The following ITFG1 variants were observed in gnomAD, a reference collection of about 807,000 sequenced individuals.
ITFG1 encodes the protein T-cell immunomodulatory protein.
ITFG1 carries 34 observed loss-of-function variants against 81.8 expected under a neutral mutation model. That is an observed-to-expected ratio of 0.42 (90% CI 0.32 to 0.55). The LOEUF (loss-of-function observed/expected upper bound fraction) is 0.55, where lower values mean the gene tolerates loss of function less well. Among genes scored for constraint, ITFG1 ranks in the 20% least tolerant of loss-of-function variants. The pLI, the probability that ITFG1 is intolerant of heterozygous loss-of-function variation, is 0.17. For synonymous variants in ITFG1, 285 were observed against 270.6 expected, an observed-to-expected ratio of 1.05 and a Z score of -0.52; for missense variants, 672 against 755.4, an observed-to-expected ratio of 0.89 and a Z score of 1.29.
At chr16:47,381,510 T>G (rs1968395825) in intron 6 of ITFG1, among the ~76,000 whole-genome samples, 1 of 152,214 alleles carries the variant, frequency 6.6e-6, no homozygotes, top group African/African-American at 2.4e-5. Flanking sequence ...TAGTATTTTC[T>G]GTAAGCTGAA....
chr16:47,459,984 T>C (rs764113520), intron 1 of ITFG1, among the ~76,000 whole-genome samples: 3 of 152,238 alleles, frequency 2.0e-5, no homozygotes, highest in Non-Finnish European at 4.4e-5. Flanking sequence ...CATTGATCTT[T>C]AAGCAGCACC....
chr16:47,314,335 T>C (rs1161635633), intron 8 of ITFG1, among the ~76,000 whole-genome samples: 29 of 152,174 alleles, frequency 1.9e-4, no homozygotes, highest in Admixed American at 1.9e-3. Flanking sequence ...ATATCAACAG[T>C]AGTCCATTAT....
chr16:47,253,974 A>G (rs1966110880), intron 12 of ITFG1, among the ~76,000 whole-genome samples: 1 of 152,152 alleles, frequency 6.6e-6, no homozygotes, highest in African/African-American at 2.4e-5. Flanking sequence ...AAAAAATTCA[A>G]CAGATACCTA....
chr16:47,160,030 GAGTA>G (rs913878840), intron 16 of ITFG1, among the ~76,000 whole-genome samples: 1 of 152,024 alleles, frequency 6.6e-6, no homozygotes, highest in Non-Finnish European at 1.5e-5. Context: ...AAATTCAGAA[GAGTA>G]AGTAAACCTT....
chr16:47,452,767 TG>T lies in ITFG1; in HGVS notation c.450del (p.Asn151IlefsTer9). ...AGTGGCTCATCTTGAAAAGTCCTAT[TG>T]AGTATGGTCATATTGTTAGGATCTG... ...QTLDPNNMTILNRTFQDEPLI... is the reference protein window; with the variant it reads ...QTLDPNNMTIXNRTFQDEPLI... On this transcript the variant is annotated frameshift_variant, in exon 4 of 18. Transcript: ENST00000320640. LOFTEE classifies it high-confidence loss of function. The T allele has an allele frequency of 6.3e-7, 1 of 1,582,450 alleles. No individual in the cohort carries two copies. The highest frequency in any genetic ancestry group is 8.6e-7 in the Non-Finnish European group (1 of 1,160,074).
intron 14 of ITFG1, among the ~76,000 whole-genome samples, chr16:47,172,331 C>G (rs1313096778): frequency 6.6e-6 from 1 of 151,978 alleles, no homozygotes; most frequent in Non-Finnish European, 1.5e-5. Flanking sequence ...CTAAAAGGTA[C>G]AAAAAAATTA....
chr16:47,429,557 G>A (rs959558063), intron 5 of ITFG1, among the ~76,000 whole-genome samples: 6 of 152,164 alleles, frequency 3.9e-5, no homozygotes, highest in Non-Finnish European at 8.8e-5. Flanking sequence ...AGCAATGTAG[G>A]AGAATTCCAG....
chr16:47,389,002 T>TG, intron 6 of ITFG1, among the ~76,000 whole-genome samples: 1 of 152,208 alleles, frequency 6.6e-6, no homozygotes, highest in East Asian at 1.9e-4. Flanking sequence ...TCCTTGCTTC[T>TG]GTAACTCGCT....
At chr16:47,395,872 G>A (rs537947594) in intron 6 of ITFG1, among the ~76,000 whole-genome samples, 23 of 152,202 alleles carry the variant, frequency 1.5e-4, no homozygotes, top group East Asian at 9.6e-4. Flanking sequence ...CATGTCTATC[G>A]TCAGCAGTAT....
chr16:47,183,561 C>T (rs1965164252), intron 14 of ITFG1, among the ~76,000 whole-genome samples: 1 of 152,166 alleles, frequency 6.6e-6, no homozygotes, highest in Non-Finnish European at 1.5e-5. Context: ...CTCCAACAGA[C>T]CTGCAGCTGA....
chr16:47,458,258 C>T (rs924378090), intron 2 of ITFG1, among the ~76,000 whole-genome samples: 5 of 152,306 alleles, frequency 3.3e-5, no homozygotes, highest in Non-Finnish European at 7.3e-5. Context: ...CTTAACTCCC[C>T]GAAGTGTACC....
intron 6 of ITFG1, among the ~76,000 whole-genome samples, chr16:47,385,092 A>T (rs1339152717): frequency 1.3e-5 from 2 of 152,246 alleles, no homozygotes; most frequent in African/African-American, 4.8e-5. Flanking sequence ...CACTGGTCAG[A>T]AACTGTGCAA....
chr16:47,461,118 C>A, upstream of ITFG1: 4 of 1,378,660 alleles, frequency 2.9e-6, no homozygotes, highest in Non-Finnish European at 3.8e-6. Context: ...GCGTTACCGG[C>A]CGAGAGAGTG....
chr16:47,202,609 G>A (rs761843604), intron 14 of ITFG1, among the ~76,000 whole-genome samples: 4 of 151,300 alleles, frequency 2.6e-5, no homozygotes, highest in Non-Finnish European at 5.9e-5. Context: ...GAAACATAAT[G>A]AGAAAACACT....
intron 13 of ITFG1, among the ~76,000 whole-genome samples, chr16:47,223,152 T>G (rs1965714153): frequency 6.6e-6 from 1 of 151,538 alleles, no homozygotes; most frequent in Non-Finnish European, 1.5e-5. Flanking sequence ...ACCTAGGCAT[T>G]ACCATTCAGG....
rs558651858 is a variant in ITFG1, at chr16:47,384,885, C to T, written c.656-8945G>A. On this transcript the variant is annotated intron_variant, in intron 6 of 17. Coordinates refer to ENST00000320640, the MANE Select transcript of ITFG1 (RefSeq NM_030790.5). ...CTGAGGTCAGGAGTTCGAGACCAGCCTGGCCAATGTGGTGAGGTTACTGTC... is the reference window on the plus strand; with the variant it reads ...CTGAGGTCAGGAGTTCGAGACCAGCTTGGCCAATGTGGTGAGGTTACTGTC... Among the ~76,000 whole-genome samples, 3 of 152,306 alleles carry T rather than the reference C, an allele frequency of 2.0e-5. No homozygotes were observed. The South Asian group carries it at 6.2e-4, about 32-fold the overall frequency.
chr16:47,349,335 CAT>C (rs199794046), intron 8 of ITFG1, among the ~76,000 whole-genome samples: 2,637 of 152,210 alleles, frequency 0.017, 77 homozygotes, highest in African/African-American at 0.059. Context: ...CAGAGACACA[CAT>C]AGGCTCAAAA....
chr16:47,244,250 A>G (rs1453201608), intron 12 of ITFG1, among the ~76,000 whole-genome samples: 1 of 152,192 alleles, frequency 6.6e-6, no homozygotes. Context: ...GAGCTGCTCT[A>G]GCAAATCAAA....
intron 8 of ITFG1, among the ~76,000 whole-genome samples, chr16:47,348,807 A>G (rs945785167): frequency 6.6e-6 from 1 of 152,242 alleles, no homozygotes; most frequent in African/African-American, 2.4e-5. Flanking sequence ...GGACAGCCAG[A>G]GAGAAAGGTC....
Sources: gnomAD v4.1 joint callset for allele counts (sites outside exome capture counted in the v4.1 genomes callset) on GRCh38, gnomAD v4.1.1 for gene constraint, MANE v1.5 for transcripts, NCBI Gene and HGNC (gene_info 2026-07-23, HGNC 2026-07-21) for gene names.